DISC1: variants seen among roughly 807,000 people sequenced by gnomAD.
DISC1 encodes the protein DISC1 scaffold protein.
DISC1 carries 57 observed loss-of-function variants against 84.5 expected under a neutral mutation model. The ratio of observed to expected loss-of-function variants is 0.67; its 90% CI spans 0.55 to 0.84. The LOEUF (loss-of-function observed/expected upper bound fraction) is 0.84, where lower values mean the gene tolerates loss of function less well. Ranked by LOEUF, DISC1 falls within the 40% of genes least tolerant of loss-of-function variation. The pLI, the probability that DISC1 is intolerant of heterozygous loss-of-function variation, is 0.00. For missense variants in DISC1, 1,000 were observed against 1,057.8 expected (o/e 0.95, Z 0.76); for synonymous variants, 411 against 415.2 (o/e 0.99, Z 0.12).
intron 9 of DISC1, among the ~76,000 whole-genome samples, chr1:231,875,226 A>T (rs898810045): frequency 6.6e-6 from 1 of 152,158 alleles, no homozygotes; most frequent in Non-Finnish European, 1.5e-5. Flanking sequence ...ATGGTCAGTG[A>T]TGGGGAGAGG....
chr1:231,779,353 T>C (rs2077199660), intron 6 of DISC1, among the ~76,000 whole-genome samples: 1 of 152,098 alleles, frequency 6.6e-6, no homozygotes, highest in African/African-American at 2.4e-5. Context: ...TTGAGTGCCT[T>C]TGTGTTCTGA....
intron 9 of DISC1, among the ~76,000 whole-genome samples, chr1:231,857,118 T>C (rs1240679477): frequency 6.6e-6 from 1 of 152,114 alleles, no homozygotes; most frequent in African/African-American, 2.4e-5. Flanking sequence ...AAGGCCCTGG[T>C]TTGGGTTCAA....
chr1:231,952,703 A>G (rs1300231217), intron 9 of DISC1, among the ~76,000 whole-genome samples: 1 of 141,380 alleles, frequency 7.1e-6, no homozygotes, highest in African/African-American at 2.9e-5. Flanking sequence ...ATATATATAT[A>G]TATATATATA....
intron 8 of DISC1, among the ~76,000 whole-genome samples, chr1:231,816,427 G>C (rs1406890608): frequency 6.6e-6 from 1 of 151,882 alleles, no homozygotes; most frequent in Admixed American, 6.6e-5. Context: ...TTTTAATTTT[G>C]ATAAAGCCCA....
At chr1:231,843,268 AC>A (rs1220170926) in intron 9 of DISC1, among the ~76,000 whole-genome samples, 1 of 152,200 alleles carries the variant, frequency 6.6e-6, no homozygotes, top group Admixed American at 6.5e-5. Flanking sequence ...CCTTATGGGG[AC>A]CGCAAGAAGT....
chr1:231,754,039 C>A (rs757067802), intron 4 of DISC1, among the ~76,000 whole-genome samples: 29 of 152,160 alleles, frequency 1.9e-4, no homozygotes, highest in Non-Finnish European at 4.0e-4. Flanking sequence ...ATATCACTAC[C>A]AGCATTTTGG....
chr1:231,972,048 G>T (rs115490808), intron 10 of DISC1, among the ~76,000 whole-genome samples: 23,033 of 152,104 alleles, frequency 0.15, 3,478 homozygotes, highest in African/African-American at 0.39. Flanking sequence ...TTGCAATGGA[G>T]GCGTTCCACC....
At chr1:231,720,625 C>T (rs750051173) in intron 3 of DISC1, among the ~76,000 whole-genome samples, 2 of 152,224 alleles carry the variant, frequency 1.3e-5, no homozygotes, top group Admixed American at 1.3e-4. Context: ...CAGGTGTGAG[C>T]TGCTGCACTC....
At chr1:231,766,900 A>ATCAGACAGTGCAGGTCCCATAATAGTAT (rs1351517883) in intron 4 of DISC1, among the ~76,000 whole-genome samples, 7 of 152,210 alleles carry the variant, frequency 4.6e-5, no homozygotes, top group African/African-American at 1.4e-4. Flanking sequence ...GGGCTACCTT[A>ATCAGACAGTGCAGGTCCCATAATAGTAT]TCAGACAGTG....
chr1:231,646,179 G>C (rs944686593), intron 1 of DISC1, among the ~76,000 whole-genome samples: 2 of 151,470 alleles, frequency 1.3e-5, no homozygotes, highest in African/African-American at 4.9e-5. Flanking sequence ...ACAGTCCCTG[G>C]TGTGTGATGC....
chr1:231,800,120 G>A lies in DISC1; in HGVS notation c.1702G>A (p.Glu568Lys). 1.2e-6 allele frequency: 2 copies of A among 1,611,188 alleles called. No homozygotes were observed. Among genetic ancestry groups the A allele is most frequent in the South Asian group, 1.1e-5 (1 of 90,996 alleles). The part of the protein sequence containing the change: ...KEITTKVCMS[E>K]KFCSTLRKKV... ...TCTCTCCCCCTAGGTGTGTATGAGT[G>A]AGAAATTCTGCAGCACCCTGAGGAA... The change falls in exon 8 of 13, where the codon GAG (glutamate) becomes AAG (lysine). Residue 568 changes from glutamate to lysine, a missense_variant. Physicochemically the swap from Glu to Lys is moderately conservative, Grantham distance 56. Transcript: ENST00000439617.
At chr1:231,643,159 C>A (rs1354898233) in intron 1 of DISC1, among the ~76,000 whole-genome samples, 2 of 152,130 alleles carry the variant, frequency 1.3e-5, no homozygotes, top group Non-Finnish European at 1.5e-5. Context: ...GTGTGGGAGT[C>A]AAAGGCCCTT....
intron 9 of DISC1, among the ~76,000 whole-genome samples, chr1:231,853,355 G>A (rs1330836105): frequency 1.3e-5 from 2 of 152,164 alleles, no homozygotes; most frequent in East Asian, 1.9e-4. Context: ...CCTAGATGGT[G>A]CACCCTACTA....
intron 10 of DISC1, among the ~76,000 whole-genome samples, chr1:231,982,261 G>C (rs1253398495): frequency 6.6e-6 from 1 of 152,072 alleles, no homozygotes; most frequent in East Asian, 1.9e-4. Context: ...GATTAAATCA[G>C]CAGCATTAGG....
Position 231,916,579 on chromosome 1 carries a change from C to T in DISC1, c.1982-42249C>T, listed in dbSNP as rs1053937195. Among the ~76,000 whole-genome samples, 112 of 144,422 alleles carry T rather than the reference C, an allele frequency of 7.8e-4. 1 individual carries two copies. The highest frequency in any genetic ancestry group is 2.7e-3 in the African/African-American group (105 of 39,250). 94.7% of individuals were successfully genotyped at this position (144,422 alleles called of 152,430 possible). A position where few individuals can be genotyped will look rare whatever the true frequency, so the allele number is the denominator to read the frequency against. On this transcript the variant is annotated intron_variant, in intron 9 of 12. Transcript: ENST00000439617. ...CTGAGGCAGGAGAATGGCGTGAACC[C>T]GGGAGGCGGAGCTTGCAGTGAGCCG...
chr1:231,854,947 C>G, intron 9 of DISC1: 1 of 815,406 alleles, frequency 1.2e-6, no homozygotes, highest in Non-Finnish European at 1.7e-6. Flanking sequence ...AACTCCTGAC[C>G]TCAAGTGATC....
rs150326350 is a variant in DISC1, at chr1:231,651,227, G to A, written c.67+24293G>A. On this transcript the variant is annotated intron_variant, in intron 1 of 12. Transcript: ENST00000439617. ...TTATCTACCTTTGGTCTTTGAAGATGGTGACCTACAGATGGGGTTTTGGTG... is the reference window on the plus strand; with the variant it reads ...TTATCTACCTTTGGTCTTTGAAGATAGTGACCTACAGATGGGGTTTTGGTG... 3.7e-3 allele frequency among the ~76,000 whole-genome samples: 561 copies of A among 152,228 alleles called. 6 individuals are homozygous for A. The highest frequency in any genetic ancestry group is 0.013 in the African/African-American group (531 of 41,550).
chr1:231,979,405 C>T (rs1422447287), intron 10 of DISC1, among the ~76,000 whole-genome samples: 1 of 151,950 alleles, frequency 6.6e-6, no homozygotes, highest in African/African-American at 2.4e-5. Flanking sequence ...TGTAGATGCT[C>T]AGAGCTACTT....
intron 10 of DISC1, among the ~76,000 whole-genome samples, chr1:231,963,505 C>T (rs1051049658): frequency 6.6e-6 from 1 of 152,140 alleles, no homozygotes; most frequent in Non-Finnish European, 1.5e-5. Context: ...CTGCATGTGC[C>T]CTGGTGGGCC....
Sources: allele counts gnomAD v4.1 joint callset (sites outside exome capture counted in the v4.1 genomes callset), GRCh38; gene constraint gnomAD v4.1.1; transcripts MANE v1.5; gene names NCBI Gene and HGNC (gene_info 2026-07-23, HGNC 2026-07-21).